The following ZNF98 variants were observed in gnomAD, a reference collection of about 807,000 sequenced individuals.
ZNF98 encodes zinc finger protein 739.
Under a neutral mutation model 12.8 loss-of-function variants are expected in ZNF98, and 8 were observed. That is an observed-to-expected ratio of 0.63 (90% CI 0.37 to 1.13). The LOEUF is 1.13. Among genes scored for constraint, ZNF98 ranks in the 50% most tolerant of loss-of-function variants. The pLI, the probability that ZNF98 is intolerant of heterozygous loss-of-function variation, is 0.01. For synonymous variants in ZNF98, 112 were observed against 223.5 expected (o/e 0.50, Z 4.45); for missense variants, 379 against 666.1 (o/e 0.57, Z 4.74).
intron 3 of ZNF98, among the ~76,000 whole-genome samples, chr19:22,398,525 G>T (rs867057516): frequency 1.3e-5 from 2 of 151,684 alleles, no homozygotes; most frequent in Non-Finnish European, 2.9e-5. Context: ...GTCTGGCTAC[G>T]TTTTAAAATG....
At chr19:22,402,175 CAAA>C (rs869111485) in intron 3 of ZNF98, among the ~76,000 whole-genome samples, 7 of 60,510 alleles carry the variant, frequency 1.2e-4, no homozygotes, top group African/African-American at 3.2e-4. Context: ...GACTCCATCT[CAAA>C]AAAAAAAAAA....
chr19:22,395,612 A>G (rs1969382859), intron 3 of ZNF98, among the ~76,000 whole-genome samples: 1 of 152,176 alleles, frequency 6.6e-6, no homozygotes, highest in Non-Finnish European at 1.5e-5. Flanking sequence ...TAAAAAATAG[A>G]AAAATAAACA....
In ZNF98 at chr19:22,391,418, C is replaced by T. The variant is rs1312386236; in HGVS notation, c.*98G>A. 4.0e-6 allele frequency: 6 copies of T among 1,495,800 alleles called. No homozygotes were observed. Among genetic ancestry groups the T allele is most frequent in the Non-Finnish European group, 5.3e-6 (6 of 1,123,822 alleles). 92.7% of individuals were successfully genotyped at this position (1,495,800 alleles called of 1,614,324 possible). Reference sequence around the variant, plus strand: ...TTTGAGCATTGTGTAAGTTTTGCCACACTGTTCACACTTGTAGAAGTTTTC... The same window carrying T: ...TTTGAGCATTGTGTAAGTTTTGCCATACTGTTCACACTTGTAGAAGTTTTC... On this transcript the variant is annotated 3_prime_UTR_variant, in exon 4 of 4. Coordinates refer to ENST00000357774, the MANE Select transcript of ZNF98 (RefSeq NM_001098626.2).
At chr19:22,398,177 A>T (rs1323883601) in intron 3 of ZNF98, among the ~76,000 whole-genome samples, 1 of 152,258 alleles carries the variant, frequency 6.6e-6, no homozygotes, top group Non-Finnish European at 1.5e-5. Context: ...TGATGACTTT[A>T]TGCAAAATAA....
At chr19:22,403,697 G>A (rs1461270363) in intron 1 of ZNF98, among the ~76,000 whole-genome samples, 185 bp from the exon 2 acceptor site, 1 of 152,184 alleles carries the variant, frequency 6.6e-6, no homozygotes, top group Non-Finnish European at 1.5e-5. Context: ...TGAGAAAAGA[G>A]AGTGGCATAA....
chr19:22,401,324 G>A (rs3910213), intron 3 of ZNF98, among the ~76,000 whole-genome samples: 5 of 152,148 alleles, frequency 3.3e-5, no homozygotes, highest in African/African-American at 7.2e-5. Flanking sequence ...TCTGACAAAA[G>A]AGAGACAGAA....
At chr19:22,406,014 T>G (rs532653393) in intron 1 of ZNF98, among the ~76,000 whole-genome samples, 2 of 152,286 alleles carry the variant, frequency 1.3e-5, no homozygotes, top group East Asian at 3.9e-4. Flanking sequence ...GCAGTCTCTG[T>G]GGGAACAGCA....
At chr19:22,420,996 T>C (rs1969697698) in intron 1 of ZNF98, among the ~76,000 whole-genome samples, 1 of 152,218 alleles carries the variant, frequency 6.6e-6, no homozygotes, top group African/African-American at 2.4e-5. Context: ...TTTAAGACAT[T>C]GCATTTTCCA....
intron 1 of ZNF98, among the ~76,000 whole-genome samples, chr19:22,421,057 T>C (rs956116169): frequency 6.6e-6 from 1 of 152,216 alleles, no homozygotes; most frequent in African/African-American, 2.4e-5. Context: ...CCCCTGTGCA[T>C]ATGTTCCATA....
Position 22,422,296 on chromosome 19 carries a change from A to T in ZNF98, c.-72T>A. The stretch of plus-strand genomic sequence containing the variant: ...CTGGGCCTCTACGAGCAGAGGACAC[A>T]GAAGGGCGAAGACGAGACCAGGAAC... On this transcript the variant is annotated 5_prime_UTR_variant, in exon 1 of 4. Coordinates refer to ENST00000357774, the MANE Select transcript of ZNF98 (RefSeq NM_001098626.2). The T allele has an allele frequency of 2.5e-6, 4 of 1,580,338 alleles. No individual in the cohort carries two copies. The highest frequency in any genetic ancestry group is 2.6e-6 in the Non-Finnish European group (3 of 1,151,912).
chr19:22,398,667 T>C (rs934333665), intron 3 of ZNF98, among the ~76,000 whole-genome samples: 11 of 152,182 alleles, frequency 7.2e-5, no homozygotes, highest in Non-Finnish European at 1.3e-4. Context: ...GAAATGTACA[T>C]TCAAATAGAT....
chr19:22,405,987 T>TAA (rs1969514551), intron 1 of ZNF98, among the ~76,000 whole-genome samples: 1 of 152,230 alleles, frequency 6.6e-6, no homozygotes, highest in African/African-American at 2.4e-5. Flanking sequence ...CCTGAGTCCC[T>TAA]AAGGGGAGAA....
intron 1 of ZNF98, among the ~76,000 whole-genome samples, chr19:22,420,946 ATCTTTT>A (rs1226489408): frequency 1.3e-5 from 2 of 152,188 alleles, no homozygotes; most frequent in African/African-American, 2.4e-5. Context: ...CAGAAAACAT[ATCTTTT>A]TCTTTTTCTT....
At chr19:22,404,631 A>T (rs1444904774) in intron 1 of ZNF98, among the ~76,000 whole-genome samples, 1 of 152,264 alleles carries the variant, frequency 6.6e-6, no homozygotes, top group Non-Finnish European at 1.5e-5. Flanking sequence ...ACACGGCATC[A>T]CTGCTATGGT....
chr19:22,392,921 T>C lies in ZNF98; in HGVS notation c.314A>G (p.Gln105Arg), dbSNP rs777353664. Residue 105 changes from glutamine (Q) to arginine (R), a missense_variant, in exon 4 of 4, where the codon CAA (glutamine) becomes CGA (arginine). Physicochemically the swap from Gln to Arg is conservative, Grantham distance 43 (BLOSUM62 1). Transcript: ENST00000357774. ...WPKQGKKNYF[Q>R]KVILRTYKKC... ...TTTATATGTTCTCAGTATCACTTTT[T>C]GGAAATAATTTTTTTTGCCCTGCTT... 22 of 1,585,710 alleles carry C rather than the reference T, an allele frequency of 1.4e-5. No individual in the cohort carries two copies. The African/African-American group carries it at 2.7e-4, about 20-fold the overall frequency.
intron 3 of ZNF98, among the ~76,000 whole-genome samples, chr19:22,397,088 C>T (rs1969402278): frequency 1.3e-5 from 2 of 150,038 alleles, no homozygotes; most frequent in South Asian, 4.2e-4. Flanking sequence ...CACTGCACTC[C>T]AGCCTGGGAC....
chr19:22,402,567 G>A (rs1456865319), intron 3 of ZNF98: 5 of 496,578 alleles, frequency 1.0e-5, no homozygotes, highest in African/African-American at 6.0e-5. Context: ...CTGTAAACCT[G>A]AAGAAGATCA....
At position 22,392,648 on chromosome 19, in the gene ZNF98, T is replaced by A. The variant is rs1237676474; in HGVS notation, c.587A>T (p.His196Leu). 40 of 1,589,868 alleles carry A rather than the reference T, an allele frequency of 2.5e-5. No individual in the cohort carries two copies. The highest frequency in any genetic ancestry group is 3.3e-5 in the Non-Finnish European group (39 of 1,166,568). Residue 196 changes from histidine to leucine, a missense_variant, in exon 4 of 4, where the codon CAC (histidine) becomes CTC (leucine). Around this residue, in one of 8 missense-constraint regions of ZNF98, gnomAD observed 223 missense variants for 261.6 expected, o/e 0.85. Transcript: ENST00000357774. ...ATGAATTCTTTTATGTTGAGCTAAG[T>A]GTGAAAGCATGCAAAATGACTTTTC... ...ECEKSFCMLSHLAQHKRIHSG... is the reference protein window; with the variant it reads ...ECEKSFCMLSLLAQHKRIHSG...
At chr19:22,416,399 G>A (rs1038263404) in intron 1 of ZNF98, among the ~76,000 whole-genome samples, 1 of 152,036 alleles carries the variant, frequency 6.6e-6, no homozygotes, top group Admixed American at 6.6e-5. Flanking sequence ...GAACCCGGGA[G>A]GCGGAGCTTG....
Sources: gnomAD v4.1 joint callset for allele counts (sites outside exome capture counted in the v4.1 genomes callset) on GRCh38, gnomAD v4.1.1 for gene constraint, gnomAD v4.1.1 regional missense constraint, MANE v1.5 for transcripts, NCBI Gene and HGNC (gene_info 2026-07-23, HGNC 2026-07-21) for gene names.